The following LOC122539214 variants were observed in gnomAD, a reference collection of about 807,000 sequenced individuals.
chr19:52,660,510 T>C, the LOC122539214 span, among the ~76,000 whole-genome samples: 3 of 150,476 alleles, frequency 2.0e-5, no homozygotes, highest in Non-Finnish European at 4.4e-5. Context: ...CACAGCTGCT[T>C]GGGATGCTGA....
chr19:52,667,296 A>G, the LOC122539214 span, among the ~76,000 whole-genome samples: 2 of 152,018 alleles, frequency 1.3e-5, no homozygotes, highest in Non-Finnish European at 2.9e-5. Flanking sequence ...TTCTTGTCCT[A>G]AAATAAATCA....
At chr19:52,651,228 A>C in the LOC122539214 span, 1 of 152,238 alleles carries the variant, frequency 6.6e-6, no homozygotes, top group Non-Finnish European at 1.5e-5. Context: ...GGTTTACAGA[A>C]ATAGACCTGA....
At chr19:52,687,631 A>ATG in the LOC122539214 span, among the ~76,000 whole-genome samples, 609 of 10,738 alleles carry the variant, frequency 0.057, 138 homozygotes, top group Middle Eastern at 0.14. Flanking sequence ...TATATATATA[A>ATG]TGTATATATA....
chr19:52,667,977 A>G, the LOC122539214 span, among the ~76,000 whole-genome samples: 1 of 152,208 alleles, frequency 6.6e-6, no homozygotes, highest in Non-Finnish European at 1.5e-5. Context: ...AATAGGTGCT[A>G]AAGAAAATTT....
At chr19:52,671,425 A>T in the LOC122539214 span, among the ~76,000 whole-genome samples, 1 of 151,730 alleles carries the variant, frequency 6.6e-6, no homozygotes, top group Non-Finnish European at 1.5e-5. Flanking sequence ...TAGAAAATGT[A>T]CCTTTTATCT....
the LOC122539214 span, among the ~76,000 whole-genome samples, chr19:52,683,767 C>T: frequency 2.6e-4 from 39 of 152,124 alleles, no homozygotes; most frequent in African/African-American, 9.4e-4. Flanking sequence ...GTTGAAATTT[C>T]CAGAAGAAAT....
At chr19:52,656,772 A>C in the LOC122539214 span, among the ~76,000 whole-genome samples, 1 of 151,898 alleles carries the variant, frequency 6.6e-6, no homozygotes, top group Non-Finnish European at 1.5e-5. Flanking sequence ...AGGCTGAGGC[A>C]GAAGAATCAC....
At chr19:52,680,356 C>G in the LOC122539214 span, among the ~76,000 whole-genome samples, 40 of 152,130 alleles carry the variant, frequency 2.6e-4, no homozygotes, top group Non-Finnish European at 4.3e-4. Flanking sequence ...GCCCTCTGCG[C>G]AGGGTTCAGG....
the LOC122539214 span, among the ~76,000 whole-genome samples, chr19:52,661,439 C>T: frequency 6.6e-6 from 1 of 152,164 alleles, no homozygotes; most frequent in Non-Finnish European, 1.5e-5. Flanking sequence ...AGCCCCCTCA[C>T]CTCCCTGTGG....
At chr19:52,680,774 G>A in the LOC122539214 span, among the ~76,000 whole-genome samples, 37 of 145,836 alleles carry the variant, frequency 2.5e-4, no homozygotes, top group African/African-American at 6.4e-4. Flanking sequence ...CACTACGCCC[G>A]GCTAATTTTT....
the LOC122539214 span, chr19:52,652,413 C>T: frequency 5.5e-6 from 2 of 364,190 alleles, no homozygotes; most frequent in Admixed American, 3.6e-5. Flanking sequence ...CCAGCCTGGA[C>T]AAAAGAGTAA....
the LOC122539214 span, among the ~76,000 whole-genome samples, chr19:52,680,456 T>C: frequency 1.3e-5 from 2 of 152,078 alleles, no homozygotes; most frequent in Admixed American, 6.6e-5. Context: ...CAAAACATCA[T>C]GGAGGAGTCA....
At chr19:52,660,573 G>A in the LOC122539214 span, among the ~76,000 whole-genome samples, 1 of 152,054 alleles carries the variant, frequency 6.6e-6, no homozygotes. Context: ...ATCCCAGATT[G>A]CTCCAGTGAA....
At chr19:52,683,491 A>G in the LOC122539214 span, among the ~76,000 whole-genome samples, 1 of 60,514 alleles carries the variant, frequency 1.7e-5, no homozygotes, top group Non-Finnish European at 3.3e-5. Context: ...CAGGTCCCTG[A>G]CCTTCTCCCC....
chr19:52,657,416 C>G, the LOC122539214 span, among the ~76,000 whole-genome samples: 3 of 151,888 alleles, frequency 2.0e-5, no homozygotes, highest in Non-Finnish European at 4.4e-5. Context: ...CGGAGACCAG[C>G]CTCATCAATA....
chr19:52,677,856 A>ACCCCATCT, the LOC122539214 span, among the ~76,000 whole-genome samples: 7 of 151,730 alleles, frequency 4.6e-5, no homozygotes, highest in Admixed American at 4.6e-4. Flanking sequence ...GCATGCTGAA[A>ACCCCATCT]CCCCATCTCT....
chr19:52,678,131 G>T, the LOC122539214 span, among the ~76,000 whole-genome samples: 1 of 151,892 alleles, frequency 6.6e-6, no homozygotes, highest in Non-Finnish European at 1.5e-5. Context: ...AAACAATAAT[G>T]CGCTAACTAA....
the LOC122539214 span, among the ~76,000 whole-genome samples, chr19:52,682,214 A>T: frequency 2.7e-5 from 4 of 148,348 alleles, no homozygotes; most frequent in African/African-American, 1.1e-4. Context: ...TATTAAAATT[A>T]TAAAAAAAAA....
chr19:52,688,129 T>C, the LOC122539214 span, among the ~76,000 whole-genome samples: 5 of 152,074 alleles, frequency 3.3e-5, no homozygotes, highest in Non-Finnish European at 7.4e-5. Flanking sequence ...CAACTAATCA[T>C]AGCCAATAAA....
Sources: gnomAD v4.1 joint callset for allele counts (sites outside exome capture counted in the v4.1 genomes callset) on GRCh38, gnomAD v4.1.1 for gene constraint, MANE v1.5 for transcripts.